PAN3: variants seen among roughly 807,000 people sequenced by gnomAD.
PAN3 encodes the protein poly(A) specific ribonuclease subunit PAN3.
Under a neutral mutation model 96.2 loss-of-function variants are expected in PAN3, and 19 were observed. That is an observed-to-expected ratio of 0.20 (90% CI 0.14 to 0.29). The LOEUF is 0.29. PAN3 is among the 10% of genes least tolerant of loss of function. PAN3 has a pLI of 1.00. For missense variants in PAN3, 882 were observed against 1,108.1 expected (o/e 0.80, Z 2.90); for synonymous variants, 433 against 406.6 (o/e 1.06, Z -0.78).
rs895808998 is a variant in PAN3, at chr13:28,145,757, A to ATT, written c.430+6691_430+6692dup. Among the ~76,000 whole-genome samples the ATT allele has an allele frequency of 5.3e-3, 665 of 124,384 alleles. 10 individuals are homozygous for ATT. The highest frequency in any genetic ancestry group is 0.017 in the African/African-American group (554 of 33,306). The allele number at this position is 124,384 out of a possible 152,430, so 81.6% of individuals were successfully genotyped here. A position where few individuals can be genotyped will look rare whatever the true frequency, so the allele number is the denominator to read the frequency against. On this transcript the variant is annotated intron_variant, in intron 1 of 18. Coordinates refer to ENST00000380958, the MANE Select transcript of PAN3 (RefSeq NM_175854.8). ...AGGTGGAAGCCACCGTGCCAAGCTA[A>ATT]TTTTTTTTTTTTTTTTTTTTTTGAG... is the stretch of plus-strand genomic sequence containing the variant.
rs45577940 is a variant in PAN3, at chr13:28,219,781, C to A, written c.853-450C>A. Reference sequence around the variant, plus strand: ...TACTTTGTTACTTAAATACATGATACCATATTATTAGGGAAATGTTTGAAG... The same window carrying A: ...TACTTTGTTACTTAAATACATGATAACATATTATTAGGGAAATGTTTGAAG... On this transcript the variant is annotated intron_variant, in intron 5 of 18. Coordinates refer to ENST00000380958, the MANE Select transcript of PAN3 (RefSeq NM_175854.8). 6.9e-3 allele frequency among the ~76,000 whole-genome samples: 1,046 copies of A among 152,104 alleles called. 11 individuals carry two copies. The highest frequency in any genetic ancestry group is 0.024 in the African/African-American group (1,011 of 41,476).
At position 28,277,246 on chromosome 13, in the gene PAN3, C is replaced by G. The variant is rs1195225158; in HGVS notation, c.2059C>G (p.Leu687Val). The change falls in exon 15 of 19, where the codon CTG becomes GTG. Residue 687 changes from leucine to valine, a missense_variant. Coordinates refer to ENST00000380958, the MANE Select transcript of PAN3 (RefSeq NM_175854.8). ...TATTCTTTCATGTCAGCAAGCAGAT[C>G]TGATATCATTAGGAAAAGTTGTGTT... is the stretch of plus-strand genomic sequence containing the variant. The part of the protein sequence containing the change: ...ALMAQYQQAD[L>V]ISLGKVVLAL... 6.2e-7 allele frequency: 1 copy of G among 1,609,614 alleles called. No individual in the cohort carries two copies. The highest frequency in any genetic ancestry group is 8.5e-7 in the Non-Finnish European group (1 of 1,178,594).
intron 4 of PAN3, among the ~76,000 whole-genome samples, chr13:28,181,708 A>G (rs1875812566): frequency 6.6e-6 from 1 of 152,184 alleles, no homozygotes; most frequent in Non-Finnish European, 1.5e-5. Context: ...GTTAGGAGAT[A>G]AACACTGAAA....
At chr13:28,242,670 A>G (rs1883790590) in intron 6 of PAN3, among the ~76,000 whole-genome samples, 1 of 152,182 alleles carries the variant, frequency 6.6e-6, no homozygotes, top group African/African-American at 2.4e-5. Flanking sequence ...TATGAGAGGA[A>G]GGAGAAGCTT....
At chr13:28,281,129 T>C (rs930707872) in intron 16 of PAN3, among the ~76,000 whole-genome samples, 186 bp from the exon 17 acceptor site, 8 of 152,242 alleles carry the variant, frequency 5.3e-5, no homozygotes, top group African/African-American at 1.9e-4. Context: ...CATAATCTTC[T>C]TGAGTACCAT....
In PAN3 at chr13:28,293,387, G is replaced by GTTTTTTTTTTTT. The variant is rs71086844; in HGVS notation, c.*883_*894dup. ...ACTTTAGGTTCTTTCCAGTTTGCTG[G>GTTTTTTTTTTTT]TTTTTTTTTTTTTTTTTTTTTTTTT... On this transcript the variant is annotated 3_prime_UTR_variant, in exon 19 of 19. Transcript: ENST00000380958. The GTTTTTTTTTTTT allele has an allele frequency of 2.4e-3, 52 of 21,366 alleles. 11 individuals carry two copies. Among genetic ancestry groups the GTTTTTTTTTTTT allele is most frequent in the African/African-American group, 8.6e-3 (43 of 4,978 alleles). 1.3% of individuals were successfully genotyped at this position (21,366 alleles called of 1,614,324 possible).
intron 8 of PAN3, among the ~76,000 whole-genome samples, 198 bp downstream of exon 8, chr13:28,260,749 A>C (rs556640796): frequency 1.3e-5 from 2 of 152,310 alleles, no homozygotes; most frequent in African/African-American, 4.8e-5. Context: ...ATTATGTGGC[A>C]GGATATAAAA....
intron 12 of PAN3, 40 bp from the exon 13 acceptor site, chr13:28,270,660 AT>A (rs1886538052): frequency 6.3e-7 from 1 of 1,585,618 alleles, no homozygotes; most frequent in African/African-American, 1.4e-5. Flanking sequence ...CTTTTAGTTG[AT>A]TACTTAAGAT....
chr13:28,144,603 A>C (rs1305545620), intron 1 of PAN3, among the ~76,000 whole-genome samples: 1 of 152,080 alleles, frequency 6.6e-6, no homozygotes, highest in Non-Finnish European at 1.5e-5. Flanking sequence ...TTTCCTGTAA[A>C]AGTGCATTTG....
chr13:28,226,355 A>G (rs568544022), intron 6 of PAN3, among the ~76,000 whole-genome samples: 19 of 152,304 alleles, frequency 1.2e-4, no homozygotes, highest in African/African-American at 3.6e-4. Context: ...GGGATAGTCA[A>G]ATAATTACAG....
chr13:28,182,628 T>C (rs1333454623), intron 4 of PAN3, among the ~76,000 whole-genome samples: 2 of 152,166 alleles, frequency 1.3e-5, no homozygotes, highest in Non-Finnish European at 2.9e-5. Flanking sequence ...TTTTAAAGCT[T>C]TTTGTTAGGA....
chr13:28,190,361 G>C (rs1877087956), intron 4 of PAN3, among the ~76,000 whole-genome samples: 1 of 151,928 alleles, frequency 6.6e-6, no homozygotes, highest in African/African-American at 2.4e-5. Flanking sequence ...TCTCACTTCA[G>C]CCTCCTGAAT....
rs749723631 is a variant in PAN3, at chr13:28,267,166, G to A, written c.1645G>A (p.Val549Ile). The change falls in exon 11 of 19, where the codon GTA becomes ATA. Residue 549 changes from valine to isoleucine, a missense_variant. By Grantham distance (29) the Val-to-Ile change is conservative. Transcript: ENST00000380958. ...MWKKIQHSNI[V>I]TLREVFTTKA... ...GAAGAAAATTCAACACTCAAATATCGTAACTTTGCGTGAAGTATTTACCAC... is the reference window on the plus strand; with the variant it reads ...GAAGAAAATTCAACACTCAAATATCATAACTTTGCGTGAAGTATTTACCAC... 60 of 1,612,914 alleles carry A rather than the reference G, an allele frequency of 3.7e-5. No individual in the cohort carries two copies. The highest frequency in any genetic ancestry group is 5.0e-5 in the Non-Finnish European group (59 of 1,179,146).
chr13:28,181,290 C>T (rs950955009), intron 4 of PAN3, among the ~76,000 whole-genome samples: 4 of 151,980 alleles, frequency 2.6e-5, no homozygotes, highest in Admixed American at 2.0e-4. Context: ...TCGAGAATCA[C>T]TTGAGGTCAG....
chr13:28,285,500 G>A (rs766749510), intron 17 of PAN3, among the ~76,000 whole-genome samples: 1 of 152,040 alleles, frequency 6.6e-6, no homozygotes, highest in Non-Finnish European at 1.5e-5. Flanking sequence ...ATGTTCCTTG[G>A]TGTAGGTTTT....
intron 14 of PAN3, among the ~76,000 whole-genome samples, chr13:28,274,945 CTT>C (rs891027226): frequency 2.0e-5 from 3 of 151,998 alleles, no homozygotes; most frequent in African/African-American, 4.8e-5. Context: ...TAGAGACTGA[CTT>C]TGAGTAAAAT....
Position 28,141,243 on chromosome 13 carries a change from G to A in PAN3, c.430+2156G>A, listed in dbSNP as rs1033470404. Among the ~76,000 whole-genome samples the A allele has an allele frequency of 3.9e-5, 6 of 151,998 alleles. No homozygotes were observed. In the South Asian group the frequency reaches 1.2e-3, roughly 32 times the overall value. On this transcript the variant is annotated intron_variant, in intron 1 of 18. Coordinates refer to ENST00000380958, the MANE Select transcript of PAN3 (RefSeq NM_175854.8). Reference sequence around the variant, plus strand: ...GGGTCTCGAACTCCTGACCTCAGGTGATCGTCCCGCCTCGGCCTCCCAAAG... The same window carrying A: ...GGGTCTCGAACTCCTGACCTCAGGTAATCGTCCCGCCTCGGCCTCCCAAAG...
At chr13:28,141,675 C>T (rs1391873454) in intron 1 of PAN3, among the ~76,000 whole-genome samples, 5 of 152,038 alleles carry the variant, frequency 3.3e-5, no homozygotes, top group Non-Finnish European at 7.4e-5. Flanking sequence ...CCATGTTGGT[C>T]AGGCTGGTCT....
chr13:28,187,604 GATA>G (rs1876655081), intron 4 of PAN3, among the ~76,000 whole-genome samples: 1 of 152,172 alleles, frequency 6.6e-6, no homozygotes, highest in Admixed American at 6.5e-5. Context: ...TTACTATGTA[GATA>G]ATGTTTGTCC....
Sources: allele counts gnomAD v4.1 joint callset (sites outside exome capture counted in the v4.1 genomes callset), GRCh38; gene constraint gnomAD v4.1.1; transcripts MANE v1.5; gene names NCBI Gene and HGNC (gene_info 2026-07-23, HGNC 2026-07-21).